HCN3: variants seen among roughly 807,000 people sequenced by gnomAD.
HCN3 encodes potassium/sodium hyperpolarization-activated cyclic nucleotide-gated channel 3.
In HCN3, 36 loss-of-function variants were observed where a neutral mutation model predicts 56.8. The observed-to-expected ratio is 0.63, with a 90% CI of 0.49 to 0.84. HCN3 has a LOEUF of 0.84. HCN3 is among the 40% of genes least tolerant of loss of function. The pLI is 0.00. For missense variants in HCN3, 930 were observed against 1,079.3 expected, an observed-to-expected ratio of 0.86 and a Z score of 1.94; for synonymous variants, 425 against 439.7, an observed-to-expected ratio of 0.97 and a Z score of 0.42.
At position 155,279,920 on chromosome 1, in the gene HCN3, TTTTA is replaced by T. The variant is rs202028074; in HGVS notation, c.278+2072_278+2075del. On this transcript the variant is annotated intron_variant, in intron 1 of 7. Coordinates refer to ENST00000368358, the MANE Select transcript of HCN3 (RefSeq NM_020897.3). ...GATATGTATGTAGATGGAAGAGTAA[TTTTA>T]TTTATTTATTTATTTATTTTTATAT... Among the ~76,000 whole-genome samples, 118 of 151,968 alleles carry T rather than the reference TTTTA, an allele frequency of 7.8e-4. 2 individuals are homozygous for T. In the East Asian group the frequency reaches 0.015, roughly 19 times the overall value.
chr1:155,285,597 C>A lies in HCN3; in HGVS notation c.1237-127C>A. 2 of 1,316,466 alleles carry A rather than the reference C, an allele frequency of 1.5e-6. No individual in the cohort carries two copies. Among genetic ancestry groups the A allele is most frequent in the Non-Finnish European group, 2.1e-6 (2 of 964,106 alleles). 81.5% of individuals were successfully genotyped at this position (1,316,466 alleles called of 1,614,324 possible). On this transcript the variant is annotated intron_variant, in intron 5 of 7. Transcript: ENST00000368358. This position sits in a 1 kb window ranked among gnomAD's most constrained non-coding sequence, Gnocchi z 4.5. ...AGGAGCTTAGGGATGGTCCCAGGCC[C>A]ACTGATGCCTCCCCATCCTTTGGCA...
At chr1:155,278,653 A>G (rs1374464030) in intron 1 of HCN3, among the ~76,000 whole-genome samples, 1 of 152,244 alleles carries the variant, frequency 6.6e-6, no homozygotes, top group African/African-American at 2.4e-5. Context: ...CTGGGGAACT[A>G]AAGAAGCAGA....
intron 2 of HCN3, 70 bp from the exon 3 acceptor site, chr1:155,283,904 A>T (rs1383352361): frequency 2.9e-5 from 45 of 1,536,668 alleles, no homozygotes; most frequent in Non-Finnish European, 3.8e-5. Context: ...AGAATTTGCC[A>T]GGCTGGGAAT....
In HCN3 at chr1:155,282,354, T is replaced by G. The variant is rs181420543; in HGVS notation, c.279-57T>G. 498 of 1,527,536 alleles carry G rather than the reference T, an allele frequency of 3.3e-4. 1 individual carries two copies. The highest frequency in any genetic ancestry group is 7.9e-4 in the Admixed American group (47 of 59,224). 94.6% of individuals were successfully genotyped at this position (1,527,536 alleles called of 1,614,324 possible). A position where few individuals can be genotyped will look rare whatever the true frequency, so the allele number is the denominator to read the frequency against. ...GCCATGTCAGCCTATCTTCTGTCAG[T>G]CTAGTGGCTGGTGAAATATCCTCAT... On this transcript the variant is annotated intron_variant, in intron 1 of 7. Coordinates refer to ENST00000368358, the MANE Select transcript of HCN3 (RefSeq NM_020897.3). The surrounding 1 kb of genome is among the most constrained non-coding windows in gnomAD (Gnocchi z 4.7).
In HCN3 at chr1:155,285,413, C is replaced by G; in HGVS notation, c.1236+102C>G. ...GCAGGTGCTCCTATAGGGAATGAGG[C>G]CTGCAGAGGGCCCCGTGGGAGGCCA... On this transcript the variant is annotated intron_variant, in intron 5 of 7. Coordinates refer to ENST00000368358, the MANE Select transcript of HCN3 (RefSeq NM_020897.3). The surrounding 1 kb of genome is among the most constrained non-coding windows in gnomAD (Gnocchi z 4.5). 1 of 1,455,186 alleles carries G rather than the reference C, an allele frequency of 6.9e-7. No homozygotes were observed. The highest frequency in any genetic ancestry group is 9.3e-7 in the Non-Finnish European group (1 of 1,080,208). 90.1% of individuals were successfully genotyped at this position (1,455,186 alleles called of 1,614,324 possible).
In HCN3 at chr1:155,286,393, C is replaced by T. The variant is rs1377325712; in HGVS notation, c.1477+429C>T. ...ATCTCCTGACCTCGTGATCCGCCCG[C>T]CTCAGCCTCCCAAAGTGCTGGGATT... On this transcript the variant is annotated intron_variant, in intron 6 of 7. Coordinates refer to ENST00000368358, the MANE Select transcript of HCN3 (RefSeq NM_020897.3). Among the ~76,000 whole-genome samples the T allele has an allele frequency of 2.0e-5, 3 of 152,308 alleles. No individual in the cohort carries two copies. The East Asian group carries it at 5.8e-4, about 29-fold the overall frequency.
Position 155,288,881 on chromosome 1 carries a change from CTG to C in HCN3, c.*420_*421del. 1 of 177,112 alleles carries C rather than the reference CTG, an allele frequency of 5.6e-6. No individual in the cohort carries two copies. The highest frequency in any genetic ancestry group is 1.7e-4 in the South Asian group (1 of 5,796). 11.0% of individuals were successfully genotyped at this position (177,112 alleles called of 1,614,324 possible). On this transcript the variant is annotated 3_prime_UTR_variant, in exon 8 of 8. Coordinates refer to ENST00000368358, the MANE Select transcript of HCN3 (RefSeq NM_020897.3). The surrounding 1 kb of genome is among the most constrained non-coding windows in gnomAD (Gnocchi z 6.5). ...ATCACTGCCAAGTAACTAGATGTCT[CTG>C]TTTCCCTGCCAATGATCCTGCAGGT...
At position 155,288,672 on chromosome 1, in the gene HCN3, G is replaced by C. The variant is rs918976458; in HGVS notation, c.*209G>C. On this transcript the variant is annotated 3_prime_UTR_variant, in exon 8 of 8. Transcript: ENST00000368358. The surrounding 1 kb of genome is among the most constrained non-coding windows in gnomAD (Gnocchi z 6.5). ...TTGTCCCATCATAATCCATTCACCC[G>C]TTCATCATGTGTACTGAGCAGCTAC... 1 of 629,796 alleles carries C rather than the reference G, an allele frequency of 1.6e-6. No homozygotes were observed. Among genetic ancestry groups the C allele is most frequent in the African/African-American group, 1.8e-5 (1 of 54,532 alleles). 39.0% of individuals were successfully genotyped at this position (629,796 alleles called of 1,614,324 possible). A position where few individuals can be genotyped will look rare whatever the true frequency, so the allele number is the denominator to read the frequency against.
rs781614213 is a variant in HCN3 at position 155,285,806 on chromosome 1, T to C, written c.1319T>C (p.Val440Ala). The part of the protein sequence containing the change: ...AHADPSFVTA[V>A]LTKLRFEVFQ... ...GCCGACCCCAGCTTCGTCACTGCAG[T>C]TCTCACCAAGCTGCGCTTTGAGGTC... Residue 440 changes from valine to alanine, a missense_variant, in exon 6 of 8, where the codon GTT becomes GCT. Val to Ala is a moderately conservative substitution (Grantham distance 64). Transcript: ENST00000368358. The surrounding 1 kb of genome is among the most constrained non-coding windows in gnomAD (Gnocchi z 4.5). 31 of 1,614,066 alleles carry C rather than the reference T, an allele frequency of 1.9e-5. No individual in the cohort carries two copies. Among genetic ancestry groups the C allele is most frequent in the Non-Finnish European group, 2.6e-5 (31 of 1,180,020 alleles).
At chr1:155,286,355 C>T in intron 6 of HCN3, among the ~76,000 whole-genome samples, 1 of 152,140 alleles carries the variant, frequency 6.6e-6, no homozygotes. Flanking sequence ...CTGTGTTAGC[C>T]AGGATGGTCT....
rs963015890 is a variant in HCN3, at chr1:155,288,654, A to G, written c.*191A>G. 5 of 685,104 alleles carry G rather than the reference A, an allele frequency of 7.3e-6. No individual in the cohort carries two copies. Among genetic ancestry groups the G allele is most frequent in the Non-Finnish European group, 9.4e-6 (4 of 423,902 alleles). The allele number at this position is 685,104 out of a possible 1,614,324, so 42.4% of individuals were successfully genotyped here. ...GCTCAAGAATCCTGTAGCTTGTCCCATCATAATCCATTCACCCGTTCATCA... is the reference window on the plus strand; with the variant it reads ...GCTCAAGAATCCTGTAGCTTGTCCCGTCATAATCCATTCACCCGTTCATCA... On this transcript the variant is annotated 3_prime_UTR_variant, in exon 8 of 8. Coordinates refer to ENST00000368358, the MANE Select transcript of HCN3 (RefSeq NM_020897.3). The surrounding 1 kb of genome is among the most constrained non-coding windows in gnomAD (Gnocchi z 6.5).
chr1:155,278,004 A>C, intron 1 of HCN3, 136 bp downstream of exon 1: 3 of 1,109,906 alleles, frequency 2.7e-6, no homozygotes, highest in Non-Finnish European at 3.9e-6. Flanking sequence ...CGGGAGAGTC[A>C]CTTGCACCAG....
chr1:155,288,961 G>A lies in HCN3; in HGVS notation c.*498G>A, dbSNP rs3814319. On this transcript the variant is annotated 3_prime_UTR_variant, in exon 8 of 8. Coordinates refer to ENST00000368358, the MANE Select transcript of HCN3 (RefSeq NM_020897.3). The surrounding 1 kb of genome is among the most constrained non-coding windows in gnomAD (Gnocchi z 6.5). ...CCTGTAGCATAGCCAGGCACTGCCA[G>A]TCACCTGTGCCCCCATTGCTGTCAG... 0.43 allele frequency: 67,517 copies of A among 157,082 alleles called. 16,498 individuals are homozygous for A. Among genetic ancestry groups the A allele is most frequent in the East Asian group, 0.69 (3,685 of 5,324 alleles). 9.7% of individuals were successfully genotyped at this position (157,082 alleles called of 1,614,324 possible). A position where few individuals can be genotyped will look rare whatever the true frequency, so the allele number is the denominator to read the frequency against.
intron 1 of HCN3, among the ~76,000 whole-genome samples, chr1:155,279,548 C>T (rs1396505246): frequency 6.6e-6 from 1 of 152,154 alleles, no homozygotes; most frequent in Non-Finnish European, 1.5e-5. Flanking sequence ...CAGGATAGAC[C>T]ACCCCACCCT....
rs779194820 is a variant in HCN3 at position 155,285,036 on chromosome 1, T to C, written c.1090-129T>C. On this transcript the variant is annotated intron_variant, in intron 4 of 7. Coordinates refer to ENST00000368358, the MANE Select transcript of HCN3 (RefSeq NM_020897.3). The surrounding 1 kb of genome is among the most constrained non-coding windows in gnomAD (Gnocchi z 4.5). ...ATTCCTCTGTGGCCCTGTGTATCCA[T>C]GTCTGGTTCCACGTTTCACCCCTTT... 1.1e-5 allele frequency: 12 copies of C among 1,046,622 alleles called. No individual in the cohort carries two copies. Among genetic ancestry groups the C allele is most frequent in the Admixed American group, 2.2e-5 (1 of 46,310 alleles). The allele number at this position is 1,046,622 out of a possible 1,614,324, so 64.8% of individuals were successfully genotyped here.
Position 155,285,733 on chromosome 1 carries a change from A to G in HCN3, c.1246A>G (p.Asn416Asp). The change falls in exon 6 of 8, where the codon AAC (asparagine) becomes GAC (aspartate). Residue 416 changes from asparagine (N) to aspartate (D), a missense_variant. Physicochemically the swap from Asn to Asp is conservative, Grantham distance 23. Transcript: ENST00000368358. This position sits in a 1 kb window ranked among gnomAD's most constrained non-coding sequence, Gnocchi z 4.5. Reference sequence around the variant, plus strand: ...CCCCTCCCCTGTCCAGGAGATCATTAACTTCACCTGTCGGGGCCTGGTGGC... The same window carrying G: ...CCCCTCCCCTGTCCAGGAGATCATTGACTTCACCTGTCGGGGCCTGGTGGC... ...LSEPLREEIINFTCRGLVAHM... is the reference protein window; with the variant it reads ...LSEPLREEIIDFTCRGLVAHM... 1 of 1,614,180 alleles carries G rather than the reference A, an allele frequency of 6.2e-7. No individual in the cohort carries two copies. The highest frequency in any genetic ancestry group is 8.5e-7 in the Non-Finnish European group (1 of 1,180,024).
intron 2 of HCN3, among the ~76,000 whole-genome samples, chr1:155,283,459 G>T (rs1413078735): frequency 6.6e-6 from 1 of 151,572 alleles, no homozygotes; most frequent in Non-Finnish European, 1.5e-5. Context: ...ACATTGTGCA[G>T]GTTAGTTACA....
Position 155,288,593 on chromosome 1 carries a change from C to T in HCN3, c.*130C>T. 1 of 1,153,540 alleles carries T rather than the reference C, an allele frequency of 8.7e-7. No individual in the cohort carries two copies. Among genetic ancestry groups the T allele is most frequent in the Non-Finnish European group, 1.2e-6 (1 of 827,984 alleles). The allele number at this position is 1,153,540 out of a possible 1,614,324, so 71.5% of individuals were successfully genotyped here. A position where few individuals can be genotyped will look rare whatever the true frequency, so the allele number is the denominator to read the frequency against. On this transcript the variant is annotated 3_prime_UTR_variant, in exon 8 of 8. Coordinates refer to ENST00000368358, the MANE Select transcript of HCN3 (RefSeq NM_020897.3). This position sits in a 1 kb window ranked among gnomAD's most constrained non-coding sequence, Gnocchi z 6.5. ...GAAATGTCGACCCTGTGCGGACATT[C>T]CGCATACTGCCATGAAGACGGTCTC...
Position 155,287,912 on chromosome 1 carries a change from A to G in HCN3, c.1774A>G (p.Thr592Ala). 1 of 1,613,996 alleles carries G rather than the reference A, an allele frequency of 6.2e-7. No individual in the cohort carries two copies. The highest frequency in any genetic ancestry group is 1.1e-5 in the South Asian group (1 of 91,074). The stretch of plus-strand genomic sequence containing the variant: ...GGGTGTTCGGGGTCGGGCCCCGAGC[A>G]CAGGAGCTCAGCTTAGTGGAAAGCC... ...ARGVRGRAPS[T>A]GAQLSGKPVL... Residue 592 changes from threonine to alanine, a missense_variant, in exon 8 of 8, where the codon ACA becomes GCA. Thr to Ala is a moderately conservative substitution (Grantham distance 58). Coordinates refer to ENST00000368358, the MANE Select transcript of HCN3 (RefSeq NM_020897.3).
Sources: gnomAD v4.1 joint callset for allele counts (sites outside exome capture counted in the v4.1 genomes callset) on GRCh38, gnomAD v4.1.1 for gene constraint, Gnocchi (gnomAD v3.1) non-coding constraint, MANE v1.5 for transcripts, NCBI Gene and HGNC (gene_info 2026-07-23, HGNC 2026-07-21) for gene names.